Variants in MYOM2 observed in about 807,000 individuals in gnomAD.
MYOM2 encodes myomesin 2.
Under a neutral mutation model 187.6 loss-of-function variants are expected in MYOM2, and 254 were observed. The ratio of observed to expected loss-of-function variants is 1.35; its 90% confidence interval spans 1.22 to 1.50. MYOM2 has a LOEUF of 1.50. MYOM2 is among the 40% of genes most tolerant of loss of function. MYOM2 has a pLI of 0.00. For missense variants in MYOM2, 2,796 were observed against 1,924.0 expected, an observed-to-expected ratio of 1.45 and a Z score of -8.48; for synonymous variants, 981 against 753.8, an observed-to-expected ratio of 1.30 and a Z score of -4.94.
In MYOM2 at chr8:2,076,183, A is replaced by ACC; in HGVS notation, c.1164_1165insCC (p.Leu389ProfsTer14). 8 of 1,613,246 alleles carry ACC rather than the reference A, an allele frequency of 5.0e-6. No homozygotes were observed. Among genetic ancestry groups the ACC allele is most frequent in the Non-Finnish European group, 6.8e-6 (8 of 1,179,862 alleles). On this transcript the variant is annotated frameshift_variant, in exon 11 of 37. Transcript: ENST00000262113. LOFTEE classifies it high-confidence loss of function. ...ACAGGGGCCCCCGGTGCACCCATGG[A>ACC]CTTGCAGTGCCACGACGCCAACCGG...
chr8:2,135,568 C>T (rs1214771184), intron 32 of MYOM2, among the ~76,000 whole-genome samples: 1 of 152,112 alleles, frequency 6.6e-6, no homozygotes, highest in East Asian at 1.9e-4. Context: ...AGTTGACCAT[C>T]CTGCTGGTTG....
In MYOM2 at chr8:2,101,294, G is replaced by A. The variant is rs142611701; in HGVS notation, c.2619+240G>A. On this transcript the variant is annotated intron_variant, in intron 20 of 36. Coordinates refer to ENST00000262113, the MANE Select transcript of MYOM2 (RefSeq NM_003970.4). ...CTTGAACCCGGGAGGCGGAGGTTGC[G>A]GTGAGCTGAGACTGAGTCACCGCAC... 3.0e-3 allele frequency among the ~76,000 whole-genome samples: 457 copies of A among 152,310 alleles called. 7 individuals are homozygous for A. The highest frequency in any genetic ancestry group is 0.01 in the Middle Eastern group (3 of 294).
At chr8:2,106,630 T>G in intron 23 of MYOM2, 33 bp downstream of exon 23, 1 of 1,479,616 alleles carries the variant, frequency 6.8e-7, no homozygotes, top group Admixed American at 2.0e-5. Context: ...TTGCCTGTTT[T>G]GGTTTTATCA....
chr8:2,098,973 GC>G lies in MYOM2; in HGVS notation c.2432del (p.Pro811ArgfsTer9), dbSNP rs764807979. On this transcript the variant is annotated frameshift_variant, in exon 19 of 37. Transcript: ENST00000262113. LOFTEE classifies it high-confidence loss of function. ...ACTTCAAGTGTGAGGCCTGGACCAT[GC>G]CGGAGCCCGGTGAGTCGCTGCCCCC... ...EHFKCEAWTM[P>X]EPGPAYDLTF... 1.2e-6 allele frequency: 2 copies of G among 1,604,274 alleles called. No homozygotes were observed. Among genetic ancestry groups the G allele is most frequent in the Non-Finnish European group, 1.7e-6 (2 of 1,172,972 alleles).
chr8:2,100,772 T>TG lies in MYOM2; in HGVS notation c.2441-98dup, dbSNP rs536886769. 60 of 1,088,740 alleles carry TG rather than the reference T, an allele frequency of 5.5e-5. No individual in the cohort carries two copies. In the South Asian group the frequency reaches 8.3e-4, roughly 15 times the overall value. 67.4% of individuals were successfully genotyped at this position (1,088,740 alleles called of 1,614,324 possible). A position where few individuals can be genotyped will look rare whatever the true frequency, so the allele number is the denominator to read the frequency against. On this transcript the variant is annotated intron_variant, in intron 19 of 36. Coordinates refer to ENST00000262113, the MANE Select transcript of MYOM2 (RefSeq NM_003970.4). ...GGGGAACAGATACGGATGGTCCTGGTGGGGGGCTTCCCAGAGGAGCAGTGG... is the reference window on the plus strand; with the variant it reads ...GGGGAACAGATACGGATGGTCCTGGTGGGGGGGCTTCCCAGAGGAGCAGTGG...
chr8:2,137,333 A>G (rs535241694), intron 32 of MYOM2, among the ~76,000 whole-genome samples: 5 of 151,994 alleles, frequency 3.3e-5, no homozygotes, highest in African/African-American at 1.2e-4. Context: ...CGAACAGAGC[A>G]TTTCGTGCAG....
At chr8:2,122,670 C>G (rs1797496933) in intron 28 of MYOM2, among the ~76,000 whole-genome samples, 1 of 152,204 alleles carries the variant, frequency 6.6e-6, no homozygotes, top group South Asian at 2.1e-4. Flanking sequence ...GTCCCTCAGA[C>G]CAATGCCGGA....
In MYOM2 at chr8:2,045,093, G is replaced by C. The variant is rs1326592990; in HGVS notation, c.-88G>C. ...TGCAGGAGTCAGCTCTGCCTTCCTC[G>C]GCTGGAGTGTGGGTGGCTTGGTGAG... On this transcript the variant is annotated 5_prime_UTR_variant, in exon 1 of 37. Transcript: ENST00000262113. The C allele has an allele frequency of 2.0e-5, 3 of 152,630 alleles. No homozygotes were observed. Among genetic ancestry groups the C allele is most frequent in the African/African-American group, 2.4e-5 (1 of 41,432 alleles). The allele number at this position is 152,630 out of a possible 1,614,324, so 9.5% of individuals were successfully genotyped here.
chr8:2,076,281 C>G lies in MYOM2; in HGVS notation c.1261C>G (p.Arg421Gly). The G allele has an allele frequency of 1.2e-6, 2 of 1,613,296 alleles. No homozygotes were observed. Among genetic ancestry groups the G allele is most frequent in the Non-Finnish European group, 1.7e-6 (2 of 1,179,794 alleles). Residue 421 changes from arginine (R) to glycine (G), a missense_variant and splice_region_variant, in exon 11 of 37, where the codon CGA becomes GGA. By Grantham distance (125) the Arg-to-Gly change is moderately radical. Transcript: ENST00000262113. Reference protein sequence around the residue: ...ESPVMGYFVDRCEVGTNNWVQ... With the variant: ...ESPVMGYFVDGCEVGTNNWVQ... ...CCCCGTCATGGGCTATTTTGTGGAC[C>G]GGTGAGCGTCTTGCATTCTCCCGGG...
In MYOM2 at chr8:2,145,125, A is replaced by G. The variant is rs139208483; in HGVS notation, c.*144A>G. The G allele has an allele frequency of 9.2e-4, 808 of 874,308 alleles. 5 individuals carry two copies. The African/African-American group carries it at 0.011, about 12-fold the overall frequency. The allele number at this position is 874,308 out of a possible 1,614,324, so 54.2% of individuals were successfully genotyped here. ...CACACATTGTGCTTTTGATTTTTGCATTTGGTGATGAATATTTTATACCCG... is the reference window on the plus strand; with the variant it reads ...CACACATTGTGCTTTTGATTTTTGCGTTTGGTGATGAATATTTTATACCCG... On this transcript the variant is annotated 3_prime_UTR_variant, in exon 37 of 37. Coordinates refer to ENST00000262113, the MANE Select transcript of MYOM2 (RefSeq NM_003970.4).
At chr8:2,121,292 T>G (rs1262692063) in intron 28 of MYOM2, among the ~76,000 whole-genome samples, 1 of 152,158 alleles carries the variant, frequency 6.6e-6, no homozygotes, top group Non-Finnish European at 1.5e-5. Flanking sequence ...TTTGTTGTTG[T>G]TGGTATTGTT....
At position 2,143,471 on chromosome 8, in the gene MYOM2, C is replaced by T; in HGVS notation, c.4080+15C>T. The T allele has an allele frequency of 6.2e-7, 1 of 1,614,082 alleles. No homozygotes were observed. Among genetic ancestry groups the T allele is most frequent in the South Asian group, 1.1e-5 (1 of 91,082 alleles). ...TGGAAGGGAAGGTGAGGATTCTAAA[C>T]TCGGCCGGGGTGGGGGTGTCAGCAC... is the stretch of plus-strand genomic sequence containing the variant. On this transcript the variant is annotated intron_variant, in intron 36 of 36. Transcript: ENST00000262113.
chr8:2,129,274 G>C, intron 32 of MYOM2, 42 bp downstream of exon 32: 1 of 1,368,690 alleles, frequency 7.3e-7, no homozygotes, highest in Non-Finnish European at 1.0e-6. Context: ...CCATAGATGG[G>C]GCTGTCCAGG....
chr8:2,070,470 CA>C (rs1213233764), intron 8 of MYOM2, among the ~76,000 whole-genome samples: 1 of 152,160 alleles, frequency 6.6e-6, no homozygotes, highest in Non-Finnish European at 1.5e-5. Context: ...AGGCAGGGAT[CA>C]GTCCAAAGTG....
chr8:2,120,680 T>TATTTCCTGTATATA, intron 28 of MYOM2, among the ~76,000 whole-genome samples: 2 of 48,300 alleles, frequency 4.1e-5, no homozygotes, highest in African/African-American at 1.3e-4. Flanking sequence ...ATATATTATA[T>TATTTCCTGTATATA]TATATATAAA....
chr8:2,094,068 T>A lies in MYOM2; in HGVS notation c.2102T>A (p.Val701Asp). The A allele has an allele frequency of 6.2e-7, 1 of 1,614,102 alleles. No homozygotes were observed. Among genetic ancestry groups the A allele is most frequent in the Non-Finnish European group, 8.5e-7 (1 of 1,180,020 alleles). ...AGTGAAAATTCCCAGGAATCAGACGTCATAAAAGTGCAGGCCGCACTCAGT... is the reference window on the plus strand; with the variant it reads ...AGTGAAAATTCCCAGGAATCAGACGACATAAAAGTGCAGGCCGCACTCAGT... ...GMSENSQESD[V>D]IKVQAALTVP... is the part of the protein sequence containing the mutation. The change falls in exon 17 of 37, where the codon GTC becomes GAC. Residue 701 changes from valine (V) to aspartate (D), a missense_variant. By Grantham distance (152) the Val-to-Asp change is radical (BLOSUM62 -3). Transcript: ENST00000262113.
intron 23 of MYOM2, 101 bp downstream of exon 23, chr8:2,106,698 A>C (rs915095611): frequency 2.3e-6 from 2 of 864,910 alleles, no homozygotes; most frequent in Non-Finnish European, 3.5e-6. Flanking sequence ...AAAAAGACGT[A>C]TGTTTGCAGG....
chr8:2,111,019 T>C (rs1296630238), intron 25 of MYOM2, among the ~76,000 whole-genome samples: 1 of 152,238 alleles, frequency 6.6e-6, no homozygotes, highest in East Asian at 1.9e-4. Flanking sequence ...AGACTTACTG[T>C]CTGATCCAGG....
intron 32 of MYOM2, among the ~76,000 whole-genome samples, chr8:2,137,548 A>G (rs945110263): frequency 6.9e-6 from 1 of 145,030 alleles, no homozygotes; most frequent in African/African-American, 2.7e-5. Flanking sequence ...CACATAGCCA[A>G]GTTGGCTGTG....
Sources: allele counts gnomAD v4.1 joint callset (sites outside exome capture counted in the v4.1 genomes callset), GRCh38; gene constraint gnomAD v4.1.1; transcripts MANE v1.5; gene names NCBI Gene and HGNC (gene_info 2026-07-23, HGNC 2026-07-21).